Variants in SPATS2 observed in about 807,000 individuals in gnomAD.
SPATS2 encodes spermatogenesis-associated serine-rich protein 2.
In SPATS2, 38 loss-of-function variants were observed where a neutral mutation model predicts 63.7. The observed-to-expected ratio is 0.60, with a 90% CI of 0.46 to 0.78. The LOEUF (loss-of-function observed/expected upper bound fraction) is 0.78. Ranked by LOEUF, SPATS2 falls within the 30% of genes least tolerant of loss-of-function variation. SPATS2 has a pLI of 0.00. For synonymous variants in SPATS2, 207 were observed against 232.9 expected, an observed-to-expected ratio of 0.89 and a Z score of 1.01; for missense variants, 588 against 666.2, an observed-to-expected ratio of 0.88 and a Z score of 1.29.
At chr12:49,384,644 A>C (rs185872081) in intron 2 of SPATS2, among the ~76,000 whole-genome samples, 67 of 152,344 alleles carry the variant, frequency 4.4e-4, no homozygotes, top group Admixed American at 2.5e-3. Context: ...TTAACAAATC[A>C]TAGAACCCTA....
chr12:49,526,312 C>G lies in SPATS2; in HGVS notation c.*57C>G, dbSNP rs1243322758. ...CACACAATTCAACTTGATAACTGGA[C>G]TTTAGGAAACTTACAGTTAGATGTA... On this transcript the variant is annotated 3_prime_UTR_variant, in exon 14 of 14. Transcript: ENST00000552918. 2.6e-6 allele frequency: 4 copies of G among 1,510,990 alleles called. No homozygotes were observed. The highest frequency in any genetic ancestry group is 1.8e-4 in the Middle Eastern group (1 of 5,642). 93.6% of individuals were successfully genotyped at this position (1,510,990 alleles called of 1,614,324 possible).
intron 2 of SPATS2, among the ~76,000 whole-genome samples, chr12:49,414,559 T>G (rs1565710143): frequency 6.6e-6 from 1 of 152,164 alleles, no homozygotes; most frequent in Non-Finnish European, 1.5e-5. Context: ...TTCATGCCAA[T>G]TTACCCTGGT....
At chr12:49,482,204 A>G (rs1412529086) in intron 3 of SPATS2, among the ~76,000 whole-genome samples, 1 of 152,212 alleles carries the variant, frequency 6.6e-6, no homozygotes. Context: ...TAAATGCAAA[A>G]TTGTCATTTG....
At chr12:49,501,072 C>T (rs917543788) in intron 9 of SPATS2, among the ~76,000 whole-genome samples, 32 of 152,272 alleles carry the variant, frequency 2.1e-4, no homozygotes, top group Non-Finnish European at 4.0e-4. Flanking sequence ...CCACCTCAGC[C>T]TCCCAAGTAG....
intron 2 of SPATS2, among the ~76,000 whole-genome samples, chr12:49,389,240 G>A (rs1944375161): frequency 6.6e-6 from 1 of 152,166 alleles, no homozygotes; most frequent in Admixed American, 6.5e-5. Context: ...CGTAACGCGA[G>A]GAAGGAAATC....
At chr12:49,428,683 T>C (rs1945127042) in intron 2 of SPATS2, among the ~76,000 whole-genome samples, 1 of 152,218 alleles carries the variant, frequency 6.6e-6, no homozygotes, top group African/African-American at 2.4e-5. Context: ...AGTAGGTTTA[T>C]GTTAAATAAC....
Position 49,524,840 on chromosome 12 carries a change from G to A in SPATS2, c.1270G>A (p.Glu424Lys). 1 of 1,613,550 alleles carries A rather than the reference G, an allele frequency of 6.2e-7. No homozygotes were observed. Among genetic ancestry groups the A allele is most frequent in the Non-Finnish European group, 8.5e-7 (1 of 1,179,956 alleles). Reference protein sequence around the residue: ...SANKKNFAPGETPAAIANSSG... With the variant: ...SANKKNFAPGKTPAAIANSSG... ...TAACAAGAAAAACTTTGCACCGGGAGAGACTCCTGCAGCCATAGCAAACTC... is the reference window on the plus strand; with the variant it reads ...TAACAAGAAAAACTTTGCACCGGGAAAGACTCCTGCAGCCATAGCAAACTC... The change falls in exon 13 of 14, where the codon GAG becomes AAG. Residue 424 changes from glutamate to lysine, a missense_variant. Coordinates refer to ENST00000552918, the MANE Select transcript of SPATS2 (RefSeq NM_023071.4).
At chr12:49,407,164 T>C (rs2137331733) in intron 2 of SPATS2, among the ~76,000 whole-genome samples, 1 of 152,302 alleles carries the variant, frequency 6.6e-6, no homozygotes, top group East Asian at 1.9e-4. Context: ...GACCACCCTC[T>C]CTACTGCTAC....
intron 9 of SPATS2, among the ~76,000 whole-genome samples, chr12:49,507,903 AAAT>A (rs1946679982): frequency 6.6e-6 from 1 of 152,248 alleles, no homozygotes; most frequent in South Asian, 2.1e-4. Context: ...ACAAGAATTA[AAAT>A]AATAATTGCT....
intron 2 of SPATS2, among the ~76,000 whole-genome samples, chr12:49,409,328 CAG>C (rs1592369350): frequency 1.3e-5 from 2 of 152,118 alleles, no homozygotes; most frequent in African/African-American, 4.8e-5. Flanking sequence ...TTTTTTGAGA[CAG>C]AGTCTCGCTC....
intron 3 of SPATS2, among the ~76,000 whole-genome samples, chr12:49,464,170 A>T (rs1945868493): frequency 6.6e-6 from 1 of 152,168 alleles, no homozygotes; most frequent in Non-Finnish European, 1.5e-5. Flanking sequence ...TATTTTTAGT[A>T]AATTTATGGA....
At chr12:49,429,666 G>C (rs539670634) in intron 2 of SPATS2, among the ~76,000 whole-genome samples, 1 of 152,082 alleles carries the variant, frequency 6.6e-6, no homozygotes, top group East Asian at 1.9e-4. Context: ...ATGTTGGCCA[G>C]GCTGGTCTTG....
intron 10 of SPATS2, among the ~76,000 whole-genome samples, chr12:49,515,616 T>C (rs1737472333): frequency 6.6e-6 from 1 of 152,244 alleles, no homozygotes; most frequent in African/African-American, 2.4e-5. Flanking sequence ...ATTTTGAGTT[T>C]CTAAATTTGA....
At chr12:49,409,592 ATTTTTTTTTTT>A (rs753378038) in intron 2 of SPATS2, among the ~76,000 whole-genome samples, 3 of 73,562 alleles carry the variant, frequency 4.1e-5, no homozygotes, top group Admixed American at 1.8e-4. Context: ...GTGCCCAGCA[ATTTTTTTTTTT>A]TTTTTTTTTT....
intron 2 of SPATS2, among the ~76,000 whole-genome samples, chr12:49,432,928 T>C (rs528990132): frequency 6.6e-6 from 1 of 152,348 alleles, no homozygotes; most frequent in East Asian, 1.9e-4. Context: ...TGAATACGTA[T>C]CCAGAGTTGG....
chr12:49,386,364 T>A (rs1410100735), intron 2 of SPATS2, among the ~76,000 whole-genome samples: 7 of 147,650 alleles, frequency 4.7e-5, no homozygotes, highest in Admixed American at 1.4e-4. Context: ...GGGTTTCACC[T>A]TGTTGGCCAG....
At chr12:49,501,740 G>C (rs755068040) in intron 9 of SPATS2, among the ~76,000 whole-genome samples, 3 of 151,746 alleles carry the variant, frequency 2.0e-5, no homozygotes, top group African/African-American at 7.3e-5. Context: ...TCAGCCTCCC[G>C]GAGTAGCTGG....
chr12:49,455,662 C>T (rs995611866), intron 2 of SPATS2, among the ~76,000 whole-genome samples: 1 of 152,230 alleles, frequency 6.6e-6, no homozygotes, highest in African/African-American at 2.4e-5. Context: ...CATTCCGTTG[C>T]TTAGGCTGGC....
intron 2 of SPATS2, among the ~76,000 whole-genome samples, chr12:49,425,219 G>A (rs1353515912): frequency 1.3e-5 from 2 of 151,868 alleles, no homozygotes; most frequent in Admixed American, 1.3e-4. Context: ...TTGTATATGT[G>A]TCTCACCCAC....
Sources: gnomAD v4.1 joint callset for allele counts (sites outside exome capture counted in the v4.1 genomes callset) on GRCh38, gnomAD v4.1.1 for gene constraint, MANE v1.5 for transcripts, NCBI Gene and HGNC (gene_info 2026-07-23, HGNC 2026-07-21) for gene names.